Variants in PPP5C observed in about 807,000 individuals in gnomAD.
The protein encoded by PPP5C is protein phosphatase 5 catalytic subunit.
Under a neutral mutation model 66.7 loss-of-function variants are expected in PPP5C, and 21 were observed. The observed-to-expected ratio is 0.31, with a 90% confidence interval of 0.22 to 0.45. The LOEUF (loss-of-function observed/expected upper bound fraction) is 0.45, where lower values mean the gene tolerates loss of function less well. Among genes scored for constraint, PPP5C ranks in the 20% least tolerant of loss-of-function variants. The pLI is 1.00. For synonymous variants in PPP5C, 246 were observed against 257.4 expected, an observed-to-expected ratio of 0.96 and a Z score of 0.43; for missense variants, 464 against 675.9, an observed-to-expected ratio of 0.69 and a Z score of 3.48.
rs546092806 is a variant in PPP5C, at chr19:46,388,846, G to T, written c.1355+115G>T. ...CAAAGACAGGCAAGAGCAGATAAAAGAACATGACGAACACCCCCGTATGTG... is the reference window on the plus strand; with the variant it reads ...CAAAGACAGGCAAGAGCAGATAAAATAACATGACGAACACCCCCGTATGTG... On this transcript the variant is annotated intron_variant, in intron 11 of 12. Transcript: ENST00000012443. The surrounding 1 kb of genome is among the most constrained non-coding windows in gnomAD (Gnocchi z 4.9). 31 of 1,300,540 alleles carry T rather than the reference G, an allele frequency of 2.4e-5. No homozygotes were observed. The highest frequency in any genetic ancestry group is 3.3e-5 in the Non-Finnish European group (31 of 942,250). The allele number at this position is 1,300,540 out of a possible 1,614,324, so 80.6% of individuals were successfully genotyped here. A position where few individuals can be genotyped will look rare whatever the true frequency, so the allele number is the denominator to read the frequency against.
intron 11 of PPP5C, among the ~76,000 whole-genome samples, chr19:46,389,452 C>T (rs1304379568): frequency 8.2e-6 from 1 of 122,096 alleles, no homozygotes; most frequent in Non-Finnish European, 1.7e-5. Flanking sequence ...CACACACACA[C>T]ACACACACAG....
intron 2 of PPP5C, among the ~76,000 whole-genome samples, chr19:46,373,378 A>G (rs1215329880): frequency 6.6e-6 from 1 of 152,228 alleles, no homozygotes; most frequent in East Asian, 1.9e-4. Flanking sequence ...TGTCTGTCAG[A>G]TGAGGATTGT....
chr19:46,356,729 C>T (rs1465189972), intron 2 of PPP5C, among the ~76,000 whole-genome samples: 5 of 152,170 alleles, frequency 3.3e-5, no homozygotes, highest in East Asian at 1.9e-4. Context: ...GAATTAAAAA[C>T]GGTTCATTGT....
At chr19:46,352,400 G>A (rs796948445) in intron 1 of PPP5C, among the ~76,000 whole-genome samples, 15 of 152,358 alleles carry the variant, frequency 9.8e-5, no homozygotes, top group African/African-American at 3.6e-4. Context: ...AAGAGGCAGA[G>A]CTAGGGACTG....
rs1972673263 is a variant in PPP5C at position 46,375,365 on chromosome 19, T to G, written c.364-239T>G. Among the ~76,000 whole-genome samples the G allele has an allele frequency of 2.0e-5, 3 of 152,340 alleles. No homozygotes were observed. The South Asian group carries it at 6.2e-4, about 32-fold the overall frequency. ...TCCTCAGACAGGCAGTTGTTTGATT[T>G]TAGCGCGCTCATAGCTAAGATTGAT... On this transcript the variant is annotated intron_variant, in intron 2 of 12. Coordinates refer to ENST00000012443, the MANE Select transcript of PPP5C (RefSeq NM_006247.4).
rs1014005045 is a variant in PPP5C, at chr19:46,388,133, G to C, written c.1136-275G>C. ...ACCAAAGGCTTTGAGTGGGAGAGGG[G>C]CCTGATCTGAATAGTGACATTGAAA... On this transcript the variant is annotated intron_variant, in intron 9 of 12. Transcript: ENST00000012443. This position sits in a 1 kb window ranked among gnomAD's most constrained non-coding sequence, Gnocchi z 4.9. The C allele has an allele frequency of 2.3e-6, 1 of 440,650 alleles. No homozygotes were observed. Among genetic ancestry groups the C allele is most frequent in the Admixed American group, 3.6e-5 (1 of 27,536 alleles). The allele number at this position is 440,650 out of a possible 1,614,324, so 27.3% of individuals were successfully genotyped here.
chr19:46,355,424 G>A (rs946307196), intron 2 of PPP5C, among the ~76,000 whole-genome samples: 3 of 152,178 alleles, frequency 2.0e-5, no homozygotes, highest in East Asian at 1.9e-4. Context: ...GTCTGCAGTC[G>A]GTGGAGCCAG....
Position 46,387,159 on chromosome 19 carries a change from C to T in PPP5C, c.971C>T (p.Thr324Ile). ...GAGGGTGAGGTGAAGGCCAAGTACA[C>T]AGCCCAGATGTACGAGCTCTTTAGC... Reference protein sequence around the residue: ...GFEGEVKAKYTAQMYELFSEV... With the variant: ...GFEGEVKAKYIAQMYELFSEV... The change falls in exon 8 of 13, where the codon ACA becomes ATA. Residue 324 changes from threonine to isoleucine, a missense_variant. Coordinates refer to ENST00000012443, the MANE Select transcript of PPP5C (RefSeq NM_006247.4). The T allele has an allele frequency of 6.2e-7, 1 of 1,614,242 alleles. No individual in the cohort carries two copies. The highest frequency in any genetic ancestry group is 8.5e-7 in the Non-Finnish European group (1 of 1,180,036).
intron 4 of PPP5C, chr19:46,382,977 G>A (rs45587933): frequency 0.28 from 303,132 of 1,072,484 alleles, 45,300 homozygotes; most frequent in Non-Finnish European, 0.31. Context: ...TTCAGCGTCC[G>A]TTGAAAGCAC....
intron 4 of PPP5C, among the ~76,000 whole-genome samples, chr19:46,377,909 T>G (rs1457285599): frequency 6.6e-6 from 1 of 152,278 alleles, no homozygotes; most frequent in African/African-American, 2.4e-5. Flanking sequence ...TTATTTCTAC[T>G]TTGTAGCTTT....
intron 1 of PPP5C, among the ~76,000 whole-genome samples, 157 bp from the exon 2 acceptor site, chr19:46,353,591 G>A (rs989279177): frequency 6.6e-6 from 1 of 152,206 alleles, no homozygotes; most frequent in African/African-American, 2.4e-5. Context: ...TAGGTTGGTT[G>A]GGACAGGCAG....
At chr19:46,361,846 G>A (rs1972398214) in intron 2 of PPP5C, among the ~76,000 whole-genome samples, 2 of 151,742 alleles carry the variant, frequency 1.3e-5, no homozygotes, top group South Asian at 4.1e-4. Flanking sequence ...ATTATTTATG[G>A]TAAAGCTAAT....
chr19:46,357,192 C>T (rs1260760490), intron 2 of PPP5C, among the ~76,000 whole-genome samples: 1 of 152,126 alleles, frequency 6.6e-6, no homozygotes, highest in Non-Finnish European at 1.5e-5. Flanking sequence ...GGACTACAGG[C>T]GTGTGCCATC....
chr19:46,390,734 C>G lies in PPP5C; in HGVS notation c.*388C>G. The stretch of plus-strand genomic sequence containing the variant: ...CCAGAGAGAGGGTCAGCAGGGGGGC[C>G]CCGCCTGCGCCTCCCCTCCTATAGC... On this transcript the variant is annotated 3_prime_UTR_variant, in exon 13 of 13. Coordinates refer to ENST00000012443, the MANE Select transcript of PPP5C (RefSeq NM_006247.4). 8.8e-7 allele frequency: 1 copy of G among 1,139,142 alleles called. No homozygotes were observed. Among genetic ancestry groups the G allele is most frequent in the South Asian group, 2.2e-5 (1 of 45,934 alleles). The allele number at this position is 1,139,142 out of a possible 1,614,324, so 70.6% of individuals were successfully genotyped here.
chr19:46,387,103 G>A lies in PPP5C; in HGVS notation c.915G>A (p.Glu305=), dbSNP rs147006420. Reference sequence around the variant, plus strand: ...CCCCGTGTTGGCCAGGCAACCACGAGACAGACAACATGAACCAGATCTACG... The same window carrying A: ...CCCCGTGTTGGCCAGGCAACCACGAAACAGACAACATGAACCAGATCTACG... ...DHFHLLRGNH[E]TDNMNQIYGF... The change falls in exon 8 of 13, where the codon GAG becomes GAA. Residue 305 remains glutamate (E), a synonymous_variant. Coordinates refer to ENST00000012443, the MANE Select transcript of PPP5C (RefSeq NM_006247.4). 1,796 of 1,614,272 alleles carry A rather than the reference G, an allele frequency of 1.1e-3. 2 individuals carry two copies. The highest frequency in any genetic ancestry group is 1.4e-3 in the Non-Finnish European group (1,695 of 1,180,056).
intron 1 of PPP5C, among the ~76,000 whole-genome samples, chr19:46,350,284 G>C (rs1972160731): frequency 6.6e-6 from 1 of 152,214 alleles, no homozygotes; most frequent in Non-Finnish European, 1.5e-5. Context: ...CCGGGCTTTG[G>C]GGGCTGAGGG....
In PPP5C at chr19:46,353,733, C is replaced by T. The variant is rs762494079; in HGVS notation, c.122-15C>T. The T allele has an allele frequency of 1.2e-6, 2 of 1,613,994 alleles. No homozygotes were observed. The highest frequency in any genetic ancestry group is 1.7e-6 in the Non-Finnish European group (2 of 1,179,916). On this transcript the variant is annotated splice_polypyrimidine_tract_variant and intron_variant, in intron 1 of 12. Coordinates refer to ENST00000012443, the MANE Select transcript of PPP5C (RefSeq NM_006247.4). The stretch of plus-strand genomic sequence containing the variant: ...GTTGGAGCACTGCCTCATGCCTCTT[C>T]TTCTGTCTCCGCAGCCAAGGACTAC...
intron 2 of PPP5C, 76 bp downstream of exon 2, chr19:46,354,065 G>C: frequency 6.5e-7 from 1 of 1,546,564 alleles, no homozygotes; most frequent in Non-Finnish European, 8.7e-7. Flanking sequence ...GGACGGGTGT[G>C]AGGAGCCATT....
intron 2 of PPP5C, among the ~76,000 whole-genome samples, chr19:46,373,460 T>G (rs777875159): frequency 1.3e-5 from 2 of 152,190 alleles, no homozygotes; most frequent in Non-Finnish European, 2.9e-5. Flanking sequence ...ATTAGGCACA[T>G]AGTAAGTGCT....
Sources: gnomAD v4.1 joint callset for allele counts (sites outside exome capture counted in the v4.1 genomes callset) on GRCh38, gnomAD v4.1.1 for gene constraint, Gnocchi (gnomAD v3.1) non-coding constraint, MANE v1.5 for transcripts, NCBI Gene and HGNC (gene_info 2026-07-23, HGNC 2026-07-21) for gene names.